Variants in TRIM58 observed in about 807,000 individuals in gnomAD.
TRIM58 encodes the protein E3 ubiquitin-protein ligase TRIM58.
TRIM58 carries 38 observed loss-of-function variants against 34.1 expected under a neutral mutation model. The ratio of observed to expected loss-of-function variants is 1.12; its 90% CI spans 0.86 to 1.46. The LOEUF (loss-of-function observed/expected upper bound fraction) is 1.46, where lower values mean the gene tolerates loss of function less well. Ranked by LOEUF, TRIM58 falls within the 40% of genes most tolerant of loss-of-function variation. TRIM58 has a pLI of 0.00. For synonymous variants in TRIM58, 273 were observed against 275.7 expected (o/e 0.99, Z 0.10); for missense variants, 677 against 642.0 (o/e 1.05, Z -0.59).
chr1:247,864,548 G>A (rs1212974779), intron 2 of TRIM58, among the ~76,000 whole-genome samples, 157 bp from the exon 3 acceptor site: 1 of 152,176 alleles, frequency 6.6e-6, no homozygotes. Context: ...CTTCTTATAT[G>A]AATGGACTCC....
At position 247,857,672 on chromosome 1, in the gene TRIM58, G is replaced by T. The variant is rs1227172455; in HGVS notation, c.420+6G>T. On this transcript the variant is annotated splice_donor_region_variant and intron_variant, in intron 1 of 5. Transcript: ENST00000366481. ...AGGCCGCCGGCAGCTACCAGGTGAGGCGCCCCCCGGCGGGGGCTGCGGGCG... is the reference window on the plus strand; with the variant it reads ...AGGCCGCCGGCAGCTACCAGGTGAGTCGCCCCCCGGCGGGGGCTGCGGGCG... 54 of 1,225,144 alleles carry T rather than the reference G, an allele frequency of 4.4e-5. No homozygotes were observed. The highest frequency in any genetic ancestry group is 5.3e-5 in the Non-Finnish European group (52 of 983,662). The allele number at this position is 1,225,144 out of a possible 1,614,324, so 75.9% of individuals were successfully genotyped here.
intron 3 of TRIM58, 57 bp downstream of exon 3, chr1:247,864,992 T>C: frequency 7.0e-7 from 1 of 1,418,520 alleles, no homozygotes; most frequent in Middle Eastern, 2.5e-4. Context: ...CAGAGACTAG[T>C]ACAATGGCTT....
At chr1:247,857,711 G>A (rs1663671133) in intron 1 of TRIM58, 45 bp downstream of exon 1, 2 of 1,210,990 alleles carry the variant, frequency 1.7e-6, no homozygotes, top group African/African-American at 3.2e-5. Flanking sequence ...CGGTGACCGG[G>A]AAGCGGGCGA....
chr1:247,860,183 G>C (rs1054017629), intron 1 of TRIM58, among the ~76,000 whole-genome samples: 1 of 152,166 alleles, frequency 6.6e-6, no homozygotes, highest in Non-Finnish European at 1.5e-5. Flanking sequence ...CATTTAAGGA[G>C]CTAGGCCCAG....
Position 247,876,510 on chromosome 1 carries a change from G to T in TRIM58, c.*21G>T, listed in dbSNP as rs750913869. On this transcript the variant is annotated 3_prime_UTR_variant, in exon 6 of 6. Transcript: ENST00000366481. ...TCTAAAATTCTGTTCCCAAGATGCA[G>T]TCCTAGCGTAGCGAACGTTCCTGGA... The T allele has an allele frequency of 6.3e-7, 1 of 1,591,342 alleles. No individual in the cohort carries two copies. Among genetic ancestry groups the T allele is most frequent in the East Asian group, 2.2e-5 (1 of 44,734 alleles).
chr1:247,873,965 C>T (rs923792579), intron 5 of TRIM58, among the ~76,000 whole-genome samples: 3 of 141,952 alleles, frequency 2.1e-5, no homozygotes, highest in Admixed American at 7.1e-5. Context: ...GACTCCGTTT[C>T]AAAAAAAAAA....
At chr1:247,873,249 CAAGT>C (rs1412065221) in intron 5 of TRIM58, among the ~76,000 whole-genome samples, 3 of 152,014 alleles carry the variant, frequency 2.0e-5, no homozygotes, top group Non-Finnish European at 4.4e-5. Context: ...GACAAACTGA[CAAGT>C]AACCATTCAT....
At position 247,876,090 on chromosome 1, in the gene TRIM58, A is replaced by T. The variant is rs757138461; in HGVS notation, c.1062A>T (p.Glu354Asp). 3 of 1,614,166 alleles carry T rather than the reference A, an allele frequency of 1.9e-6. No individual in the cohort carries two copies. Among genetic ancestry groups the T allele is most frequent in the Non-Finnish European group, 2.5e-6 (3 of 1,180,028 alleles). Residue 354 changes from glutamate to aspartate, a missense_variant, in exon 6 of 6, where the codon GAA (glutamate) becomes GAT (aspartate). Coordinates refer to ENST00000366481, the MANE Select transcript of TRIM58 (RefSeq NM_015431.4). ...GRHYWEVLVG[E>D]GAEWGLGVCQ... ...ATTACTGGGAGGTTCTGGTGGGAGA[A>T]GGAGCAGAGTGGGGTTTAGGGGTCT...
In TRIM58 at chr1:247,876,812, C is replaced by A; in HGVS notation, c.*323C>A. ...TATAATTTGTTATTCCTTTCAATAT[C>A]CTTGTATTTCAAATCTTCCATATAA... On this transcript the variant is annotated 3_prime_UTR_variant, in exon 6 of 6. Coordinates refer to ENST00000366481, the MANE Select transcript of TRIM58 (RefSeq NM_015431.4). 3.6e-6 allele frequency: 1 copy of A among 275,626 alleles called. No individual in the cohort carries two copies. The highest frequency in any genetic ancestry group is 6.9e-6 in the Non-Finnish European group (1 of 145,786). 17.1% of individuals were successfully genotyped at this position (275,626 alleles called of 1,614,324 possible). A position where few individuals can be genotyped will look rare whatever the true frequency, so the allele number is the denominator to read the frequency against.
At chr1:247,864,594 C>A in intron 2 of TRIM58, 111 bp from the exon 3 acceptor site, 1 of 1,126,456 alleles carries the variant, frequency 8.9e-7, no homozygotes, top group Non-Finnish European at 1.3e-6. Context: ...ACCAGTGAGT[C>A]CACAGAGTTA....
Position 247,857,559 on chromosome 1 carries a change from C to A in TRIM58, c.313C>A (p.Arg105Ser). The A allele has an allele frequency of 7.9e-7, 1 of 1,270,232 alleles. No individual in the cohort carries two copies. The highest frequency in any genetic ancestry group is 9.9e-7 in the Non-Finnish European group (1 of 1,012,508). The allele number at this position is 1,270,232 out of a possible 1,614,324, so 78.7% of individuals were successfully genotyped here. The change falls in exon 1 of 6, where the codon CGC becomes AGC. Residue 105 changes from arginine to serine, a missense_variant. Coordinates refer to ENST00000366481, the MANE Select transcript of TRIM58 (RefSeq NM_015431.4). ...CGCGCGGCACGGCGAGGACCTGAGCCGCTTCTGCGAGGAGGACGAGGCGGC... is the reference window on the plus strand; with the variant it reads ...CGCGCGGCACGGCGAGGACCTGAGCAGCTTCTGCGAGGAGGACGAGGCGGC... ...RCARHGEDLS[R>S]FCEEDEAALC...
In TRIM58 at chr1:247,878,914, T is replaced by C. The variant is rs770133803; in HGVS notation, c.*2425T>C. Among the ~76,000 whole-genome samples the C allele has an allele frequency of 5.3e-5, 8 of 152,172 alleles. No homozygotes were observed. Among genetic ancestry groups the C allele is most frequent in the Non-Finnish European group, 8.8e-5 (6 of 68,036 alleles). ...TAGGTTCATAGTTTTGTGTGTCTCC[T>C]GTAATGACTCTTCTCTTTCCCTTTC... On this transcript the variant is annotated 3_prime_UTR_variant, in exon 6 of 6. Transcript: ENST00000366481.
At position 247,878,364 on chromosome 1, in the gene TRIM58, G is replaced by T. The variant is rs1328227695; in HGVS notation, c.*1875G>T. ...TCAAGATGTTTTTCTCTTCCAGGGA[G>T]ATTTTTTCGACTGACATCTTTAACT... On this transcript the variant is annotated 3_prime_UTR_variant, in exon 6 of 6. Coordinates refer to ENST00000366481, the MANE Select transcript of TRIM58 (RefSeq NM_015431.4). Among the ~76,000 whole-genome samples, 3 of 152,118 alleles carry T rather than the reference G, an allele frequency of 2.0e-5. No homozygotes were observed. Among genetic ancestry groups the T allele is most frequent in the African/African-American group, 7.2e-5 (3 of 41,422 alleles).
rs1277518253 is a variant in TRIM58, at chr1:247,878,171, A to AT, written c.*1683dup. The AT allele has an allele frequency of 8.0e-6, 1 of 125,090 alleles. No individual in the cohort carries two copies. The highest frequency in any genetic ancestry group is 1.5e-5 in the Non-Finnish European group (1 of 66,514). The allele number at this position is 125,090 out of a possible 1,614,324, so 7.7% of individuals were successfully genotyped here. A position where few individuals can be genotyped will look rare whatever the true frequency, so the allele number is the denominator to read the frequency against. On this transcript the variant is annotated 3_prime_UTR_variant, in exon 6 of 6. Coordinates refer to ENST00000366481, the MANE Select transcript of TRIM58 (RefSeq NM_015431.4). ...GAGCAAGACTCCATCTCAAAAATAA[A>AT]TAAATAAATAAATAAATAAATAAAT...
At chr1:247,871,460 A>T (rs1160459794) in intron 5 of TRIM58, among the ~76,000 whole-genome samples, 1 of 151,788 alleles carries the variant, frequency 6.6e-6, no homozygotes, top group Non-Finnish European at 1.5e-5. Context: ...TATTGTTTAC[A>T]ATTTCATTTT....
chr1:247,867,465 G>A (rs535454445), intron 3 of TRIM58, among the ~76,000 whole-genome samples: 2 of 152,144 alleles, frequency 1.3e-5, no homozygotes, highest in South Asian at 4.2e-4. Flanking sequence ...AGGCTGAGGT[G>A]GGTGGATCAC....
At chr1:247,865,787 A>G (rs936359740) in intron 3 of TRIM58, among the ~76,000 whole-genome samples, 2 of 152,214 alleles carry the variant, frequency 1.3e-5, no homozygotes, top group African/African-American at 2.4e-5. Flanking sequence ...ACAGAAATTT[A>G]TCTGGACCGA....
Position 247,878,258 on chromosome 1 carries a change from A to G in TRIM58, c.*1769A>G, listed in dbSNP as rs1471061091. The G allele has an allele frequency of 3.3e-5, 5 of 152,206 alleles. No individual in the cohort carries two copies. The allele number at this position is 152,206 out of a possible 1,614,324, so 9.4% of individuals were successfully genotyped here. On this transcript the variant is annotated 3_prime_UTR_variant, in exon 6 of 6. Transcript: ENST00000366481. Reference sequence around the variant, plus strand: ...AATGGTAAATGCTTCAATGCTAACCAAATATTAATTAATGGCAAATTATTT... The same window carrying G: ...AATGGTAAATGCTTCAATGCTAACCGAATATTAATTAATGGCAAATTATTT...
At chr1:247,870,134 A>G (rs1037360024) in intron 5 of TRIM58, among the ~76,000 whole-genome samples, 34 of 152,186 alleles carry the variant, frequency 2.2e-4, no homozygotes, top group African/African-American at 8.0e-4. Flanking sequence ...AGGCAGATAA[A>G]TGAGTGTTAG....
Sources: gnomAD v4.1 joint callset for allele counts (sites outside exome capture counted in the v4.1 genomes callset) on GRCh38, gnomAD v4.1.1 for gene constraint, MANE v1.5 for transcripts, NCBI Gene and HGNC (gene_info 2026-07-23, HGNC 2026-07-21) for gene names.